ASTN2: variants seen among roughly 807,000 people sequenced by gnomAD.
ASTN2 encodes astrotactin 2.
In ASTN2, 54 loss-of-function variants were observed where a neutral mutation model predicts 139.8. That is an observed-to-expected ratio of 0.39 (90% CI 0.31 to 0.48). The LOEUF is 0.48. ASTN2 is among the 20% of genes least tolerant of loss of function. The probability of loss-of-function intolerance (pLI) is 0.95; values close to 1 mark genes in which losing one functional copy is unlikely to be tolerated. For missense variants in ASTN2, 1,565 were observed against 1,725.1 expected (o/e 0.91, Z 1.64); for synonymous variants, 756 against 719.5 (o/e 1.05, Z -0.81).
chr9:116,954,410 T>G (rs1835651875), intron 10 of ASTN2, among the ~76,000 whole-genome samples: 3 of 152,180 alleles, frequency 2.0e-5, no homozygotes, highest in Admixed American at 1.3e-4. Flanking sequence ...TAATCTACAT[T>G]TCAAATAAGC....
intron 7 of ASTN2, among the ~76,000 whole-genome samples, chr9:116,990,862 T>C (rs1326363117): frequency 1.3e-5 from 2 of 152,192 alleles, no homozygotes; most frequent in Non-Finnish European, 2.9e-5. Flanking sequence ...TCAGGTTTCA[T>C]TGTTAGGTTC....
intron 6 of ASTN2, among the ~76,000 whole-genome samples, chr9:117,010,493 A>G (rs373070383): frequency 1.3e-4 from 20 of 152,226 alleles, no homozygotes; most frequent in African/African-American, 4.8e-4. Flanking sequence ...TAAAGAGAAT[A>G]GAATCAGCAA....
At chr9:116,560,256 C>T (rs1208857688) in intron 19 of ASTN2, among the ~76,000 whole-genome samples, 2 of 152,320 alleles carry the variant, frequency 1.3e-5, no homozygotes, top group Middle Eastern at 3.4e-3. Context: ...AAAGTAAAAT[C>T]TCATTACATC....
At chr9:116,720,631 T>TCA (rs148293903) in intron 16 of ASTN2, among the ~76,000 whole-genome samples, 6,502 of 150,954 alleles carry the variant, frequency 0.043, 481 homozygotes, top group African/African-American at 0.15. Flanking sequence ...TCCCTCTCTC[T>TCA]CACACACACA....
chr9:116,799,168 A>C (rs995372641), intron 13 of ASTN2, among the ~76,000 whole-genome samples: 2 of 152,124 alleles, frequency 1.3e-5, no homozygotes, highest in African/African-American at 4.8e-5. Context: ...AGGCACTAGA[A>C]AAATCATAGG....
intron 10 of ASTN2, among the ~76,000 whole-genome samples, chr9:116,940,245 C>A (rs1290438134): frequency 2.0e-5 from 3 of 152,164 alleles, no homozygotes; most frequent in African/African-American, 7.2e-5. Context: ...CCATGCTGGG[C>A]CTTTTTATTG....
chr9:117,101,858 T>C (rs1430521781), intron 4 of ASTN2, among the ~76,000 whole-genome samples: 3 of 152,170 alleles, frequency 2.0e-5, no homozygotes, highest in African/African-American at 7.2e-5. Flanking sequence ...AGGTGGGTGA[T>C]AATCAAAATA....
chr9:117,379,042 A>T (rs1830198013), intron 1 of ASTN2, among the ~76,000 whole-genome samples: 1 of 152,050 alleles, frequency 6.6e-6, no homozygotes. Flanking sequence ...TTCCACCATG[A>T]TTGGAAGCTT....
chr9:116,653,984 A>C (rs1346513836), intron 16 of ASTN2, among the ~76,000 whole-genome samples: 1 of 152,246 alleles, frequency 6.6e-6, no homozygotes, highest in African/African-American at 2.4e-5. Flanking sequence ...AGCTAGAGAC[A>C]GTCTTATATC....
chr9:117,125,859 A>G (rs1331829077), intron 4 of ASTN2, among the ~76,000 whole-genome samples: 3 of 152,068 alleles, frequency 2.0e-5, no homozygotes, highest in Non-Finnish European at 4.4e-5. Flanking sequence ...CAAAGGATTA[A>G]TGAGGCGAGG....
chr9:117,005,920 C>G lies in ASTN2; in HGVS notation c.1591+2172G>C, dbSNP rs372519501. 7.2e-5 allele frequency among the ~76,000 whole-genome samples: 11 copies of G among 152,236 alleles called. 1 individual carries two copies. The highest frequency in any genetic ancestry group is 2.6e-4 in the African/African-American group (11 of 41,546). Reference sequence around the variant, plus strand: ...TGCCTTCTGTTTGAAGAAGCAGGGGCTATCCTAGGCCCTGGATGTTGGGGA... The same window carrying G: ...TGCCTTCTGTTTGAAGAAGCAGGGGGTATCCTAGGCCCTGGATGTTGGGGA... On this transcript the variant is annotated intron_variant, in intron 7 of 22. Coordinates refer to ENST00000313400, the MANE Select transcript of ASTN2 (RefSeq NM_001365068.1).
chr9:116,844,449 T>G (rs1322396191), intron 11 of ASTN2, among the ~76,000 whole-genome samples: 5 of 152,184 alleles, frequency 3.3e-5, no homozygotes, highest in African/African-American at 9.7e-5. Flanking sequence ...AAATGTGGCC[T>G]TTGGGGTCAA....
intron 2 of ASTN2, among the ~76,000 whole-genome samples, chr9:117,269,379 G>A (rs1385708150): frequency 6.6e-6 from 1 of 152,208 alleles, no homozygotes; most frequent in Non-Finnish European, 1.5e-5. Flanking sequence ...CCAAACGCAA[G>A]AGTGCATATT....
chr9:116,669,086 G>A (rs555391630), intron 16 of ASTN2, among the ~76,000 whole-genome samples: 101 of 152,246 alleles, frequency 6.6e-4, no homozygotes, highest in African/African-American at 2.2e-3. Context: ...AGGGTCAGGC[G>A]GAAGCTATTT....
At chr9:116,596,373 A>G (rs542628289) in intron 19 of ASTN2, among the ~76,000 whole-genome samples, 2 of 152,356 alleles carry the variant, frequency 1.3e-5, no homozygotes, top group African/African-American at 4.8e-5. Context: ...CATAGCACCT[A>G]TAGTGAATAT....
At chr9:116,926,083 T>A (rs972178596) in intron 10 of ASTN2, among the ~76,000 whole-genome samples, 4 of 152,168 alleles carry the variant, frequency 2.6e-5, no homozygotes, top group Non-Finnish European at 5.9e-5. Flanking sequence ...TGGTCTACTG[T>A]GCATGCCATC....
At position 117,238,757 on chromosome 9, in the gene ASTN2, C is replaced by G. The variant is rs116273954; in HGVS notation, c.631-24015G>C. On this transcript the variant is annotated intron_variant, in intron 2 of 22. Coordinates refer to ENST00000313400, the MANE Select transcript of ASTN2 (RefSeq NM_001365068.1). The stretch of plus-strand genomic sequence containing the variant: ...ATCAGAGAAACATGAATGTTGGTGC[C>G]TAGCTCCAGTGACCGCTATAAAGAT... Among the ~76,000 whole-genome samples the G allele has an allele frequency of 2.3e-3, 355 of 152,272 alleles. 4 individuals carry two copies. The highest frequency in any genetic ancestry group is 7.9e-3 in the African/African-American group (329 of 41,554).
At chr9:116,502,321 A>G (rs1010774776) in intron 19 of ASTN2, among the ~76,000 whole-genome samples, 2 of 151,992 alleles carry the variant, frequency 1.3e-5, no homozygotes, top group Non-Finnish European at 2.9e-5. Context: ...ACACTCACAC[A>G]CAGAGAGAGG....
At chr9:116,686,287 T>A (rs1432793864) in intron 16 of ASTN2, among the ~76,000 whole-genome samples, 1 of 152,220 alleles carries the variant, frequency 6.6e-6, no homozygotes, top group Non-Finnish European at 1.5e-5. Context: ...AACCATCAGC[T>A]GCCTTATCTC....
Sources: allele counts gnomAD v4.1 joint callset (sites outside exome capture counted in the v4.1 genomes callset), GRCh38; gene constraint gnomAD v4.1.1; transcripts MANE v1.5; gene names NCBI Gene and HGNC (gene_info 2026-07-23, HGNC 2026-07-21).